Variants in TLN2 observed in about 807,000 individuals in gnomAD.
The protein encoded by TLN2 is talin-2.
TLN2 carries 118 observed loss-of-function variants against 294.7 expected under a neutral mutation model. The ratio of observed to expected loss-of-function variants is 0.40; its 90% CI spans 0.34 to 0.47. The LOEUF (loss-of-function observed/expected upper bound fraction) is 0.47. Among genes scored for constraint, TLN2 ranks in the 20% least tolerant of loss-of-function variants. The pLI is 0.84. For synonymous variants in TLN2, 1,431 were observed against 1,304.5 expected, an observed-to-expected ratio of 1.10 and a Z score of -2.09; for missense variants, 3,083 against 3,282.2, an observed-to-expected ratio of 0.94 and a Z score of 1.48.
At chr15:62,631,667 C>T (rs116871298) in intron 3 of TLN2, among the ~76,000 whole-genome samples, 27 of 55,312 alleles carry the variant, frequency 4.9e-4, no homozygotes, top group South Asian at 2.1e-3. Flanking sequence ...TTCTTTCTTT[C>T]TCTTTCCTCC....
intron 25 of TLN2, among the ~76,000 whole-genome samples, chr15:62,720,352 C>G (rs2060056472): frequency 6.6e-6 from 1 of 152,166 alleles, no homozygotes. Flanking sequence ...AGGGTAGATT[C>G]ATTTTAAGGA....
At chr15:62,710,666 C>T (rs2059366327) in intron 21 of TLN2, among the ~76,000 whole-genome samples, 1 of 150,818 alleles carries the variant, frequency 6.6e-6, no homozygotes, top group Non-Finnish European at 1.5e-5. Flanking sequence ...TTTAGTGAAC[C>T]ACTAACTAAA....
At chr15:62,490,946 T>G (rs534574459) in intron 1 of TLN2, among the ~76,000 whole-genome samples, 1 of 152,300 alleles carries the variant, frequency 6.6e-6, no homozygotes, top group South Asian at 2.1e-4. Context: ...TGACATAGCC[T>G]TAGGAGATCC....
chr15:62,718,399 C>A (rs1272825878), intron 24 of TLN2, among the ~76,000 whole-genome samples: 1 of 152,200 alleles, frequency 6.6e-6, no homozygotes, highest in East Asian at 1.9e-4. Flanking sequence ...GGCTGGGAGG[C>A]ATACCTGTCT....
Position 62,453,226 on chromosome 15 carries a change from CAG to C in TLN2, c.-238+62550_-238+62551del, listed in dbSNP as rs1321363415. Among the ~76,000 whole-genome samples the C allele has an allele frequency of 5.4e-5, 8 of 149,392 alleles. No homozygotes were observed. The East Asian group carries it at 9.8e-4, about 18-fold the overall frequency. Reference sequence around the variant, plus strand: ...TGGGAGATGGGCAGATTTGATGGTGCAGAGAGAGAGGCCATTTGGCATTGTCA... The same window carrying C: ...TGGGAGATGGGCAGATTTGATGGTGCAGAGAGAGGCCATTTGGCATTGTCA... On this transcript the variant is annotated intron_variant, in intron 1 of 58. Transcript: ENST00000636159.
chr15:62,702,536 A>G (rs1013532455), intron 18 of TLN2, among the ~76,000 whole-genome samples: 2 of 152,212 alleles, frequency 1.3e-5, no homozygotes, highest in Non-Finnish European at 2.9e-5. Flanking sequence ...AACAAGGCTC[A>G]CTAATTGGCC....
intron 28 of TLN2, among the ~76,000 whole-genome samples, chr15:62,736,315 CAA>C (rs61124774): frequency 1.2e-4 from 9 of 74,962 alleles, no homozygotes; most frequent in Admixed American, 1.5e-4. Flanking sequence ...GACTCTGTCT[CAA>C]AAAAAAAAAA....
chr15:62,825,218 A>G (rs1429784683), intron 54 of TLN2, among the ~76,000 whole-genome samples: 1 of 152,214 alleles, frequency 6.6e-6, no homozygotes, highest in Admixed American at 6.5e-5. Context: ...TCACACAGCT[A>G]GAGAACACCG....
At chr15:62,428,963 A>G (rs2034862518) in intron 1 of TLN2, among the ~76,000 whole-genome samples, 1 of 152,084 alleles carries the variant, frequency 6.6e-6, no homozygotes, top group Non-Finnish European at 1.5e-5. Flanking sequence ...TCACTGACTC[A>G]GAGCTTCTGG....
chr15:62,722,332 T>G, intron 25 of TLN2, 21 bp from the exon 26 acceptor site: 1 of 1,592,032 alleles, frequency 6.3e-7, no homozygotes, highest in Non-Finnish European at 8.6e-7. Context: ...GCCATCTTAC[T>G]TTCTTTTCAT....
intron 43 of TLN2, among the ~76,000 whole-genome samples, chr15:62,779,159 T>A (rs1002717550): frequency 1.1e-4 from 16 of 152,228 alleles, no homozygotes; most frequent in Admixed American, 1.0e-3. Context: ...AGCTTCTCTT[T>A]GAGATTCTCT....
At chr15:62,709,879 C>G (rs899609173) in intron 21 of TLN2, among the ~76,000 whole-genome samples, 2 of 151,982 alleles carry the variant, frequency 1.3e-5, no homozygotes, top group African/African-American at 4.8e-5. Flanking sequence ...GGATTACAGG[C>G]GCCTGCCATG....
intron 21 of TLN2, among the ~76,000 whole-genome samples, chr15:62,709,073 G>A (rs2059255781): frequency 6.6e-6 from 1 of 152,192 alleles, no homozygotes; most frequent in Non-Finnish European, 1.5e-5. Context: ...GCGAATGCAC[G>A]TGTTGGGTAC....
At chr15:62,393,864 TC>T (rs1446953377) in intron 1 of TLN2, among the ~76,000 whole-genome samples, 1 of 150,896 alleles carries the variant, frequency 6.6e-6, no homozygotes, top group African/African-American at 2.5e-5. Flanking sequence ...TTTTTTTTTT[TC>T]CGAGATGGAG....
At chr15:62,696,991 G>A (rs1234704730) in intron 14 of TLN2, among the ~76,000 whole-genome samples, 1 of 152,128 alleles carries the variant, frequency 6.6e-6, no homozygotes, top group African/African-American at 2.4e-5. Context: ...CTGGCACAAG[G>A]TTGATACTTG....
intron 58 of TLN2, among the ~76,000 whole-genome samples, chr15:62,839,850 A>G (rs982516696): frequency 4.6e-5 from 7 of 152,274 alleles, no homozygotes; most frequent in African/African-American, 9.6e-5. Flanking sequence ...ACTGCATTCA[A>G]TAACCCTGCC....
intron 54 of TLN2, among the ~76,000 whole-genome samples, chr15:62,825,836 A>AATATATAAT (rs1567687977): frequency 1.3e-5 from 1 of 77,064 alleles, no homozygotes; most frequent in Non-Finnish European, 2.1e-5. Context: ...TATAATATAT[A>AATATATAAT]ATATATATAA....
chr15:62,649,443 A>T (rs2052328802), intron 4 of TLN2, among the ~76,000 whole-genome samples: 1 of 152,100 alleles, frequency 6.6e-6, no homozygotes, highest in Admixed American at 6.5e-5. Flanking sequence ...TTGGGGTAGG[A>T]AATGGTACTG....
chr15:62,524,998 G>C (rs1177769207), intron 1 of TLN2, among the ~76,000 whole-genome samples: 2 of 152,216 alleles, frequency 1.3e-5, no homozygotes, highest in African/African-American at 4.8e-5. Flanking sequence ...AGAGCAACAT[G>C]GTGGAGCTCA....
Sources: allele counts gnomAD v4.1 joint callset (sites outside exome capture counted in the v4.1 genomes callset), GRCh38; gene constraint gnomAD v4.1.1; transcripts MANE v1.5; gene names NCBI Gene and HGNC (gene_info 2026-07-23, HGNC 2026-07-21).